PPAT: variants seen among roughly 807,000 people sequenced by gnomAD.
PPAT encodes the protein phosphoribosyl pyrophosphate amidotransferase.
Under a neutral mutation model 60.2 loss-of-function variants are expected in PPAT, and 20 were observed. The ratio of observed to expected loss-of-function variants is 0.33; its 90% CI spans 0.23 to 0.48. The LOEUF is 0.48. PPAT is among the 20% of genes least tolerant of loss of function. The pLI is 0.99. For synonymous variants in PPAT, 194 were observed against 215.1 expected, an observed-to-expected ratio of 0.90 and a Z score of 0.86; for missense variants, 349 against 629.6, an observed-to-expected ratio of 0.55 and a Z score of 4.77.
intron 1 of PPAT, chr4:56,410,936 A>C: frequency 2.1e-6 from 2 of 934,290 alleles, no homozygotes; most frequent in Non-Finnish European, 2.5e-6. Context: ...AAAGAAAAGT[A>C]CTCTTGTTTT....
At chr4:56,427,742 G>C (rs1050815113) in intron 1 of PPAT, among the ~76,000 whole-genome samples, 3 of 152,000 alleles carry the variant, frequency 2.0e-5, no homozygotes, top group Non-Finnish European at 2.9e-5. Context: ...AAGCATTGTG[G>C]AGTATGCCTT....
chr4:56,397,909 G>A (rs548925397), intron 9 of PPAT, among the ~76,000 whole-genome samples: 2 of 151,994 alleles, frequency 1.3e-5, no homozygotes, highest in South Asian at 2.1e-4. Context: ...GGGCATGGTG[G>A]TGTGTGCCTA....
At chr4:56,402,820 CAAAAAAAAAA>C (rs556899549) in intron 5 of PPAT, among the ~76,000 whole-genome samples, 6 of 44,048 alleles carry the variant, frequency 1.4e-4, no homozygotes, top group African/African-American at 4.6e-4. Flanking sequence ...ACTCGGTCTC[CAAAAAAAAAA>C]AAAAAAAAAA....
rs1018678364 is a variant in PPAT at position 56,435,516 on chromosome 4, G to C, written c.-39C>G. On this transcript the variant is annotated 5_prime_UTR_variant, in exon 1 of 11. Transcript: ENST00000264220. Reference sequence around the variant, plus strand: ...GCACGTGGAAGGACCTGCCGCTGCGGCCAAGGTGTAAGCACCAACCAGCTG... The same window carrying C: ...GCACGTGGAAGGACCTGCCGCTGCGCCCAAGGTGTAAGCACCAACCAGCTG... 1 of 1,612,310 alleles carries C rather than the reference G, an allele frequency of 6.2e-7. No individual in the cohort carries two copies. Among genetic ancestry groups the C allele is most frequent in the South Asian group, 1.1e-5 (1 of 91,000 alleles).
chr4:56,410,747 A>T (rs1379455763), intron 1 of PPAT: 1 of 987,224 alleles, frequency 1.0e-6, no homozygotes, highest in Non-Finnish European at 1.2e-6. Flanking sequence ...ATATGCCCAT[A>T]ACTCTGGAGA....
At chr4:56,430,198 T>C (rs1039300838) in intron 1 of PPAT, among the ~76,000 whole-genome samples, 1 of 152,330 alleles carries the variant, frequency 6.6e-6, no homozygotes, top group South Asian at 2.1e-4. Context: ...TTTGAAAAAT[T>C]GCATGTCTCT....
At chr4:56,397,894 C>G (rs1483457796) in intron 9 of PPAT, among the ~76,000 whole-genome samples, 4 of 150,742 alleles carry the variant, frequency 2.7e-5, no homozygotes, top group Middle Eastern at 3.5e-3. Flanking sequence ...TACGAAAAAT[C>G]AGCCGGGCAT....
Position 56,397,899 on chromosome 4 carries a change from G to A in PPAT, c.1237-1160C>T, listed in dbSNP as rs900778854. 2.2e-4 allele frequency among the ~76,000 whole-genome samples: 34 copies of A among 151,814 alleles called. 1 individual carries two copies. Among genetic ancestry groups the A allele is most frequent in the African/African-American group, 4.8e-4 (20 of 41,372 alleles). ...CTACTAAAAATACGAAAAATCAGCC[G>A]GGCATGGTGGTGTGTGCCTATGGTC... On this transcript the variant is annotated intron_variant, in intron 9 of 10. Coordinates refer to ENST00000264220, the MANE Select transcript of PPAT (RefSeq NM_002703.5).
At chr4:56,422,661 T>C (rs1717101355) in intron 1 of PPAT, 1 of 152,146 alleles carries the variant, frequency 6.6e-6, no homozygotes, top group South Asian at 2.1e-4. Flanking sequence ...TAGCTTTAGA[T>C]GAGGTCATGA....
chr4:56,433,378 G>T (rs2110071807), intron 1 of PPAT, among the ~76,000 whole-genome samples: 1 of 133,740 alleles, frequency 7.5e-6, no homozygotes, highest in East Asian at 2.2e-4. Flanking sequence ...TATGTAACCA[G>T]GAATCAAATG....
At chr4:56,397,232 C>A (rs1578112509) in intron 9 of PPAT, among the ~76,000 whole-genome samples, 1 of 152,118 alleles carries the variant, frequency 6.6e-6, no homozygotes, top group African/African-American at 2.4e-5. Flanking sequence ...CATCATATTT[C>A]ATCACACTGA....
At chr4:56,432,145 T>C (rs771991422) in intron 1 of PPAT, among the ~76,000 whole-genome samples, 4 of 152,162 alleles carry the variant, frequency 2.6e-5, no homozygotes, top group Non-Finnish European at 5.9e-5. Flanking sequence ...GGACTAAATG[T>C]TTCAGATTAG....
At chr4:56,418,494 A>AT (rs2110055139) in intron 1 of PPAT, among the ~76,000 whole-genome samples, 1 of 151,874 alleles carries the variant, frequency 6.6e-6, no homozygotes, top group Non-Finnish European at 1.5e-5. Context: ...TAATTTTTGC[A>AT]TTTTTTTGTA....
chr4:56,407,858 C>T, intron 1 of PPAT, 142 bp from the exon 2 acceptor site: 1 of 644,208 alleles, frequency 1.6e-6, no homozygotes, highest in East Asian at 2.7e-5. Context: ...AGCACTACTT[C>T]TATTGATGAT....
intron 1 of PPAT, chr4:56,408,421 G>A (rs1716301433): frequency 8.1e-6 from 1 of 123,474 alleles, no homozygotes; most frequent in African/African-American, 3.1e-5. Context: ...GCGACAGAGC[G>A]GAGACTCCGT....
At chr4:56,409,758 A>G (rs187451854) in intron 1 of PPAT, among the ~76,000 whole-genome samples, 102 of 152,366 alleles carry the variant, frequency 6.7e-4, no homozygotes, top group African/African-American at 2.4e-3. Context: ...CAGGATAGAA[A>G]CAAAAAGTAA....
chr4:56,431,458 G>A (rs1717581594), intron 1 of PPAT: 2 of 977,502 alleles, frequency 2.0e-6, no homozygotes, highest in South Asian at 4.7e-5. Context: ...GTGCTCCTGA[G>A]ATCATTACAA....
intron 1 of PPAT, among the ~76,000 whole-genome samples, chr4:56,434,999 T>C (rs770025648): frequency 1.3e-5 from 2 of 152,058 alleles, no homozygotes; most frequent in Non-Finnish European, 2.9e-5. Flanking sequence ...TCCGGGAGAC[T>C]AGAACCCGCC....
rs1263673114 is a variant in PPAT at position 56,406,596 on chromosome 4, C to T, written c.301G>A (p.Glu101Lys). The T allele has an allele frequency of 6.2e-7, 1 of 1,613,612 alleles. No homozygotes were observed. The highest frequency in any genetic ancestry group is 2.2e-5 in the East Asian group (1 of 44,866). ...HTRYATTGKC[E>K]LENCQPFVVE... is the part of the protein sequence containing the mutation. The stretch of plus-strand genomic sequence containing the variant: ...ACGAAGGGCTGACAATTTTCTAGTT[C>T]ACATTTTCCTGTGGTGGCATACCTG... Residue 101 changes from glutamate to lysine, a missense_variant, in exon 3 of 11, where the codon GAA (glutamate) becomes AAA (lysine). Coordinates refer to ENST00000264220, the MANE Select transcript of PPAT (RefSeq NM_002703.5).
Sources: gnomAD v4.1 joint callset for allele counts (sites outside exome capture counted in the v4.1 genomes callset) on GRCh38, gnomAD v4.1.1 for gene constraint, MANE v1.5 for transcripts, NCBI Gene and HGNC (gene_info 2026-07-23, HGNC 2026-07-21) for gene names.